The following EYS variants were observed in gnomAD, a reference collection of about 807,000 sequenced individuals.
EYS encodes protein eyes shut homolog.
In EYS, 250 loss-of-function variants were observed where a neutral mutation model predicts 282.1. The observed-to-expected ratio is 0.89, with a 90% CI of 0.80 to 0.98. The LOEUF (loss-of-function observed/expected upper bound fraction) is 0.98, where lower values mean the gene tolerates loss of function less well. Among genes scored for constraint, EYS ranks in the 50% least tolerant of loss-of-function variants. The pLI is 0.00. For synonymous variants in EYS, 1,355 were observed against 1,282.9 expected (o/e 1.06, Z -1.20); for missense variants, 4,016 against 3,709.0 (o/e 1.08, Z -2.15).
chr6:63,898,852 C>T (rs1458478729), intron 35 of EYS, among the ~76,000 whole-genome samples: 1 of 152,000 alleles, frequency 6.6e-6, no homozygotes, highest in Non-Finnish European at 1.5e-5. Context: ...AATCATTTTT[C>T]CAATAAATAG....
At chr6:65,671,538 A>G (rs1252170723) in intron 1 of EYS, among the ~76,000 whole-genome samples, 2 of 152,110 alleles carry the variant, frequency 1.3e-5, no homozygotes, top group East Asian at 1.9e-4. Flanking sequence ...ACACAAAAAT[A>G]TTAGGAATAA....
chr6:65,504,024 A>G (rs570860839), intron 2 of EYS, among the ~76,000 whole-genome samples: 47 of 151,800 alleles, frequency 3.1e-4, no homozygotes, highest in African/African-American at 1.1e-3. Flanking sequence ...ATTGTACTGA[A>G]TCTATGGATC....
chr6:65,028,683 T>C (rs1363944391), intron 13 of EYS, among the ~76,000 whole-genome samples: 1 of 152,118 alleles, frequency 6.6e-6, no homozygotes, highest in Admixed American at 6.5e-5. Flanking sequence ...TGCATATCAG[T>C]GGACATTTTT....
At chr6:64,536,893 T>C (rs1381857748) in intron 26 of EYS, among the ~76,000 whole-genome samples, 1 of 151,892 alleles carries the variant, frequency 6.6e-6, no homozygotes, top group Non-Finnish European at 1.5e-5. Flanking sequence ...TCAGATTATA[T>C]GATTTTTAAT....
chr6:63,957,504 G>A (rs1007416910), intron 35 of EYS, among the ~76,000 whole-genome samples: 2 of 141,106 alleles, frequency 1.4e-5, no homozygotes, highest in African/African-American at 4.9e-5. Context: ...AAATATTGTA[G>A]AGTAATTGTA....
chr6:64,177,230 A>AT (rs1325427517), intron 31 of EYS, among the ~76,000 whole-genome samples: 3 of 151,366 alleles, frequency 2.0e-5, no homozygotes, highest in South Asian at 2.1e-4. Context: ...GAAAACATCC[A>AT]TTTTTTTCTC....
chr6:64,117,746 A>G (rs1403012929), intron 31 of EYS, among the ~76,000 whole-genome samples: 1 of 151,972 alleles, frequency 6.6e-6, no homozygotes, highest in Non-Finnish European at 1.5e-5. Flanking sequence ...CAAATTGGAA[A>G]GAAGGAAGTT....
At position 64,590,989 on chromosome 6, in the gene EYS, C is replaced by A; in HGVS notation, c.4878G>T (p.Val1626=). 1 of 1,551,204 alleles carries A rather than the reference C, an allele frequency of 6.4e-7. No homozygotes were observed. Among genetic ancestry groups the A allele is most frequent in the Admixed American group, 2.0e-5 (1 of 50,964 alleles). The change falls in exon 26 of 43, where the codon GTG becomes GTT. Residue 1626 remains valine (V), a synonymous_variant. Transcript: ENST00000503581. ...TCTTTTTAGAAGGAAATAAAGATGG[C>A]ACTTCTGTGAATGCCACTGATGGTG... The part of the protein sequence containing the change: ...EITPSVAFTE[V]PSLFPSKKSA...
intron 37 of EYS, among the ~76,000 whole-genome samples, chr6:63,805,247 A>G (rs957982829): frequency 2.0e-5 from 3 of 152,346 alleles, no homozygotes; most frequent in Middle Eastern, 3.4e-3. Flanking sequence ...AAAGTAAAAC[A>G]TAGGTAATTT....
chr6:64,593,913 CAG>C (rs1274734671), intron 24 of EYS, among the ~76,000 whole-genome samples: 1 of 151,992 alleles, frequency 6.6e-6, no homozygotes, highest in African/African-American at 2.4e-5. Flanking sequence ...ATAAATGGAC[CAG>C]AGAGATACGT....
intron 22 of EYS, among the ~76,000 whole-genome samples, chr6:64,688,695 A>AT (rs1422069960): frequency 6.6e-6 from 1 of 152,192 alleles, no homozygotes; most frequent in Non-Finnish European, 1.5e-5. Context: ...AAGAATGAAT[A>AT]TTCTGTTGAT....
chr6:65,274,643 T>A (rs1344330858), intron 12 of EYS, among the ~76,000 whole-genome samples: 1 of 152,174 alleles, frequency 6.6e-6, no homozygotes, highest in Non-Finnish European at 1.5e-5. Context: ...TTCACAGGGA[T>A]CTTTATTACC....
intron 35 of EYS, among the ~76,000 whole-genome samples, chr6:63,918,778 G>T (rs1204379462): frequency 6.6e-6 from 1 of 152,154 alleles, no homozygotes; most frequent in Non-Finnish European, 1.5e-5. Flanking sequence ...AACTAAAGAG[G>T]TAGAGAAATG....
intron 19 of EYS, among the ~76,000 whole-genome samples, chr6:64,846,165 T>C (rs969084662): frequency 1.3e-5 from 2 of 152,092 alleles, no homozygotes. Context: ...GAAAAGTAAG[T>C]CAAAACTTGT....
At chr6:64,749,154 T>C (rs980950150) in intron 22 of EYS, among the ~76,000 whole-genome samples, 1 of 152,226 alleles carries the variant, frequency 6.6e-6, no homozygotes, top group Non-Finnish European at 1.5e-5. Flanking sequence ...TTAAAAAATA[T>C]GGTATACAAG....
chr6:65,452,056 G>A (rs937072962), intron 5 of EYS, among the ~76,000 whole-genome samples: 3 of 151,556 alleles, frequency 2.0e-5, no homozygotes, highest in Non-Finnish European at 4.4e-5. Flanking sequence ...GCAACTATTA[G>A]TAGAATTTAA....
intron 15 of EYS, among the ~76,000 whole-genome samples, chr6:64,924,658 T>C (rs1768455611): frequency 6.6e-6 from 1 of 152,224 alleles, no homozygotes. Context: ...TAGAAATTTC[T>C]ACTGTCAGAT....
intron 16 of EYS, among the ~76,000 whole-genome samples, chr6:64,903,210 A>G (rs1179524632): frequency 1.3e-5 from 2 of 152,156 alleles, no homozygotes; most frequent in African/African-American, 4.8e-5. Context: ...ATATGTGTAA[A>G]ACCATTTTTC....
At chr6:65,433,425 A>C (rs1767955602) in intron 5 of EYS, among the ~76,000 whole-genome samples, 1 of 152,162 alleles carries the variant, frequency 6.6e-6, no homozygotes, top group Non-Finnish European at 1.5e-5. Context: ...ATTTAAAAAA[A>C]ACAGAATGCT....
Sources: gnomAD v4.1 joint callset for allele counts (sites outside exome capture counted in the v4.1 genomes callset) on GRCh38, gnomAD v4.1.1 for gene constraint, MANE v1.5 for transcripts, NCBI Gene and HGNC (gene_info 2026-07-23, HGNC 2026-07-21) for gene names.